MSRB3: variants seen among roughly 807,000 people sequenced by gnomAD.
MSRB3 encodes methionine sulfoxide reductase B3, also known as methionine-R-sulfoxide reductase B3.
In MSRB3, 13 loss-of-function variants were observed where a neutral mutation model predicts 21.0. That is an observed-to-expected ratio of 0.62 (90% confidence interval 0.40 to 0.98). The LOEUF is 0.98. Among genes scored for constraint, MSRB3 ranks in the 50% least tolerant of loss-of-function variants. The pLI, the probability that MSRB3 is intolerant of heterozygous loss-of-function variation, is 0.00. For synonymous variants in MSRB3, 87 were observed against 88.6 expected, an observed-to-expected ratio of 0.98 and a Z score of 0.10; for missense variants, 199 against 230.3, an observed-to-expected ratio of 0.86 and a Z score of 0.88.
At chr12:65,284,866 A>G (rs1369691473) in intron 1 of MSRB3, 1 of 152,202 alleles carries the variant, frequency 6.6e-6, no homozygotes. Flanking sequence ...TGCATCCAGA[A>G]TGACCTTTCT....
At chr12:65,416,709 A>T (rs1306051487) in intron 5 of MSRB3, among the ~76,000 whole-genome samples, 1 of 152,186 alleles carries the variant, frequency 6.6e-6, no homozygotes, top group East Asian at 1.9e-4. Context: ...TAGGTGTAGG[A>T]CTTTTTCAGA....
At chr12:65,360,549 C>A (rs769609457) in intron 4 of MSRB3, among the ~76,000 whole-genome samples, 3 of 152,080 alleles carry the variant, frequency 2.0e-5, no homozygotes, top group Non-Finnish European at 4.4e-5. Context: ...GGTTTGAGTT[C>A]TACAGATGCA....
chr12:65,330,069 T>C (rs1373188296), intron 4 of MSRB3, among the ~76,000 whole-genome samples: 1 of 152,226 alleles, frequency 6.6e-6, no homozygotes, highest in Non-Finnish European at 1.5e-5. Flanking sequence ...CTTGTTAATA[T>C]CCCAAATGGT....
At chr12:65,420,838 T>C (rs1592621083) in intron 5 of MSRB3, among the ~76,000 whole-genome samples, 1 of 152,230 alleles carries the variant, frequency 6.6e-6, no homozygotes, top group Non-Finnish European at 1.5e-5. Context: ...CCATGGAATA[T>C]ATGTGCCGCA....
intron 1 of MSRB3, chr12:65,285,076 T>A (rs1872262396): frequency 6.6e-6 from 1 of 152,236 alleles, no homozygotes; most frequent in African/African-American, 2.4e-5. Flanking sequence ...TTCCACCAGA[T>A]GGAGTACTCT....
chr12:65,398,415 G>T (rs1417184556), intron 5 of MSRB3, among the ~76,000 whole-genome samples: 2 of 152,142 alleles, frequency 1.3e-5, no homozygotes, highest in African/African-American at 4.8e-5. Flanking sequence ...CTTCTTTTGT[G>T]AAATGTCTGT....
intron 5 of MSRB3, among the ~76,000 whole-genome samples, chr12:65,445,946 A>T (rs1882598913): frequency 6.6e-6 from 1 of 152,172 alleles, no homozygotes; most frequent in Non-Finnish European, 1.5e-5. Context: ...TGCCCAGCCA[A>T]GATAAATATT....
intron 6 of MSRB3, among the ~76,000 whole-genome samples, chr12:65,456,370 T>A (rs1883091945): frequency 6.6e-6 from 1 of 152,222 alleles, no homozygotes; most frequent in Admixed American, 6.5e-5. Context: ...ATTCTTATAA[T>A]TCACTGTTGG....
At chr12:65,279,117 G>C in intron 1 of MSRB3, 1 of 1,366,462 alleles carries the variant, frequency 7.3e-7, no homozygotes, top group Non-Finnish European at 9.5e-7. Flanking sequence ...GCGTCTGGCA[G>C]CCTCACTGAC....
intron 5 of MSRB3, among the ~76,000 whole-genome samples, chr12:65,409,384 C>T (rs1325655854): frequency 6.6e-6 from 1 of 151,970 alleles, no homozygotes; most frequent in Non-Finnish European, 1.5e-5. Flanking sequence ...AATCTGTATA[C>T]CATATTACTG....
chr12:65,385,837 T>C (rs1206769456), intron 5 of MSRB3, among the ~76,000 whole-genome samples: 1 of 151,968 alleles, frequency 6.6e-6, no homozygotes, highest in Non-Finnish European at 1.5e-5. Context: ...TGGATTAAAG[T>C]TTTGCCCTTT....
At chr12:65,381,093 A>G (rs1302297827) in intron 5 of MSRB3, among the ~76,000 whole-genome samples, 1 of 152,226 alleles carries the variant, frequency 6.6e-6, no homozygotes, top group East Asian at 1.9e-4. Flanking sequence ...TTCCCCCAGC[A>G]TTAAATTTCC....
At chr12:65,298,646 T>C (rs976735495) in intron 1 of MSRB3, among the ~76,000 whole-genome samples, 6 of 152,194 alleles carry the variant, frequency 3.9e-5, no homozygotes, top group Non-Finnish European at 7.3e-5. Flanking sequence ...TTCTCTTTTA[T>C]CTGCTATATC....
At chr12:65,383,068 A>G (rs923522131) in intron 5 of MSRB3, among the ~76,000 whole-genome samples, 1 of 152,204 alleles carries the variant, frequency 6.6e-6, no homozygotes, top group African/African-American at 2.4e-5. Flanking sequence ...AAGCAACTTC[A>G]TAGAACTATA....
rs947331037 is a variant in MSRB3, at chr12:65,324,550, G to A, written c.77-2276G>A. Among the ~76,000 whole-genome samples the A allele has an allele frequency of 3.3e-5, 5 of 152,250 alleles. No individual in the cohort carries two copies. In the East Asian group the frequency reaches 9.6e-4, roughly 29 times the overall value. On this transcript the variant is annotated intron_variant, in intron 2 of 6. Transcript: ENST00000308259. Reference sequence around the variant, plus strand: ...TTTGTATTATTTACTTCAATCAGATGTTTTCAATTTTACCTTTTTTTCTTG... The same window carrying A: ...TTTGTATTATTTACTTCAATCAGATATTTTCAATTTTACCTTTTTTTCTTG...
At chr12:65,339,939 A>T (rs1876030369) in intron 4 of MSRB3, among the ~76,000 whole-genome samples, 1 of 152,212 alleles carries the variant, frequency 6.6e-6, no homozygotes. Flanking sequence ...CTGGAAGAAG[A>T]TTAAATTATC....
At chr12:65,358,108 A>G (rs1232170242) in intron 4 of MSRB3, among the ~76,000 whole-genome samples, 3 of 151,546 alleles carry the variant, frequency 2.0e-5, no homozygotes, top group Admixed American at 6.6e-5. Flanking sequence ...TTTTATTTTT[A>G]TTTATTATCA....
intron 1 of MSRB3, among the ~76,000 whole-genome samples, chr12:65,298,780 A>G (rs531842179): frequency 1.3e-5 from 2 of 152,330 alleles, no homozygotes; most frequent in African/African-American, 2.4e-5. Context: ...TTTTTATTCC[A>G]TGAATGGGTG....
chr12:65,369,838 T>A (rs1878220890), intron 5 of MSRB3, among the ~76,000 whole-genome samples: 1 of 152,214 alleles, frequency 6.6e-6, no homozygotes, highest in East Asian at 1.9e-4. Flanking sequence ...TATAACTTGT[T>A]GAATTTACAA....
Sources: gnomAD v4.1 joint callset for allele counts (sites outside exome capture counted in the v4.1 genomes callset) on GRCh38, gnomAD v4.1.1 for gene constraint, MANE v1.5 for transcripts, NCBI Gene and HGNC (gene_info 2026-07-23, HGNC 2026-07-21) for gene names.